Variants in WDR64 observed in about 807,000 individuals in gnomAD.
The protein encoded by WDR64 is WD repeat-containing protein 64.
WDR64 carries 112 observed loss-of-function variants against 139.3 expected under a neutral mutation model. The observed-to-expected ratio is 0.80, with a 90% CI of 0.69 to 0.94. The LOEUF (loss-of-function observed/expected upper bound fraction) is 0.94, where lower values mean the gene tolerates loss of function less well. WDR64 is among the 40% of genes least tolerant of loss of function. WDR64 has a pLI of 0.00. For synonymous variants in WDR64, 444 were observed against 437.7 expected, an observed-to-expected ratio of 1.01 and a Z score of -0.18; for missense variants, 1,206 against 1,293.1, an observed-to-expected ratio of 0.93 and a Z score of 1.03.
In WDR64 at chr1:241,656,882, G is replaced by GTATGTA. The variant is rs150831442; in HGVS notation, c.146-3647_146-3646insATGTAT. Among the ~76,000 whole-genome samples the GTATGTA allele has an allele frequency of 1.3e-5, 2 of 148,490 alleles. No individual in the cohort carries two copies. The highest frequency in any genetic ancestry group is 3.0e-5 in the Non-Finnish European group (2 of 67,226). On this transcript the variant is annotated intron_variant, in intron 1 of 27. Transcript: ENST00000437684. This position sits in a 1 kb window ranked among gnomAD's most constrained non-coding sequence, Gnocchi z 4.3. ...TCTTTGCCAAATGTTGTGTGTGTGT[G>GTATGTA]TGTGTGTGTGTGTGTGTGTGTGTGT... is the stretch of plus-strand genomic sequence containing the variant.
intron 2 of WDR64, among the ~76,000 whole-genome samples, chr1:241,668,020 T>C (rs1666084412): frequency 6.6e-6 from 1 of 152,080 alleles, no homozygotes; most frequent in Non-Finnish European, 1.5e-5. Context: ...TGTAAGGAGG[T>C]GCAGCACTTG....
chr1:241,658,517 T>G (rs907774177), intron 1 of WDR64, among the ~76,000 whole-genome samples: 2 of 151,618 alleles, frequency 1.3e-5, no homozygotes, highest in African/African-American at 4.9e-5. Flanking sequence ...TGGGTGCCTG[T>G]AGTCCCAGCT....
Position 241,711,892 on chromosome 1 carries a change from G to A in WDR64, c.1054+11G>A, listed in dbSNP as rs759685838. 19 of 1,613,650 alleles carry A rather than the reference G, an allele frequency of 1.2e-5. No homozygotes were observed. Among genetic ancestry groups the A allele is most frequent in the African/African-American group, 6.7e-5 (5 of 74,902 alleles). On this transcript the variant is annotated intron_variant, in intron 9 of 27. Coordinates refer to ENST00000437684, the MANE Select transcript of WDR64 (RefSeq NM_001367482.1). ...TGATTGTCACTGGAGGTGAGAGGGC[G>A]GTTCACATTACATAGGGGTTTTCTA...
intron 1 of WDR64, among the ~76,000 whole-genome samples, chr1:241,659,164 G>A (rs571097051): frequency 3.6e-4 from 55 of 152,172 alleles, no homozygotes; most frequent in African/African-American, 1.2e-3. Context: ...GTGGTATTTG[G>A]TTTTCTGTTC....
chr1:241,738,705 T>C (rs1017970601), intron 11 of WDR64, among the ~76,000 whole-genome samples: 6 of 152,180 alleles, frequency 3.9e-5, no homozygotes, highest in Admixed American at 2.6e-4. Flanking sequence ...TTTCTGAAAA[T>C]ACCAGGTTGG....
intron 13 of WDR64, among the ~76,000 whole-genome samples, chr1:241,745,949 AAGG>A (rs1013740684): frequency 1.3e-5 from 2 of 152,206 alleles, no homozygotes; most frequent in African/African-American, 4.8e-5. Context: ...AAATCTGGAC[AAGG>A]AGATTGTCCT....
Position 241,770,639 on chromosome 1 carries a change from CAT to C in WDR64, c.2205_2206del (p.Ile735MetfsTer7). The part of the protein sequence containing the change: ...ECARRSSQDS[I>X]CSSSQCESSK... ...CTTATAGGAGATCAAGTCAGGATTCCATATGTTCTTCATCCCAGTGTGAATCC... is the reference window on the plus strand; with the variant it reads ...CTTATAGGAGATCAAGTCAGGATTCCATGTTCTTCATCCCAGTGTGAATCC... On this transcript the variant is annotated frameshift_variant, in exon 18 of 28. Coordinates refer to ENST00000437684, the MANE Select transcript of WDR64 (RefSeq NM_001367482.1). LOFTEE classifies it high-confidence loss of function. 1 of 1,551,366 alleles carries C rather than the reference CAT, an allele frequency of 6.4e-7. No individual in the cohort carries two copies. The highest frequency in any genetic ancestry group is 8.7e-7 in the Non-Finnish European group (1 of 1,146,804).
At chr1:241,700,014 A>G (rs1338473863) in intron 8 of WDR64, among the ~76,000 whole-genome samples, 1 of 151,594 alleles carries the variant, frequency 6.6e-6, no homozygotes, top group Non-Finnish European at 1.5e-5. Context: ...CCAATTGATG[A>G]AGATATGACA....
intron 27 of WDR64, among the ~76,000 whole-genome samples, chr1:241,799,210 A>AAAAAAAAAAAAAAC (rs1659451372): frequency 7.6e-6 from 1 of 131,854 alleles, no homozygotes; most frequent in Non-Finnish European, 1.7e-5. Flanking sequence ...TCCAAAAAAA[A>AAAAAAAAAAAAAAC]AAAAAAAAAA....
At chr1:241,747,727 C>G (rs924415333) in intron 13 of WDR64, among the ~76,000 whole-genome samples, 1 of 151,950 alleles carries the variant, frequency 6.6e-6, no homozygotes, top group African/African-American at 2.4e-5. Flanking sequence ...TGAACCTATG[C>G]GAGAATCGAT....
At chr1:241,769,232 G>A (rs1244414000) in intron 16 of WDR64, among the ~76,000 whole-genome samples, 172 bp from the exon 17 acceptor site, 1 of 152,186 alleles carries the variant, frequency 6.6e-6, no homozygotes, top group Non-Finnish European at 1.5e-5. Context: ...TGATTTAACA[G>A]AACCTTGCTA....
intron 2 of WDR64, among the ~76,000 whole-genome samples, chr1:241,665,958 CCAGGATAGGTTA>C (rs1666010336): frequency 6.6e-6 from 1 of 152,018 alleles, no homozygotes; most frequent in South Asian, 2.1e-4. Flanking sequence ...AAAGAATGTT[CCAGGATAGGTTA>C]AAAAATAAGC....
chr1:241,665,444 A>G (rs1442857535), intron 2 of WDR64, among the ~76,000 whole-genome samples: 1 of 152,226 alleles, frequency 6.6e-6, no homozygotes. Flanking sequence ...TCAGGTAATA[A>G]AAACACGATT....
At chr1:241,653,905 G>A (rs920695749) in intron 1 of WDR64, among the ~76,000 whole-genome samples, 9 of 152,066 alleles carry the variant, frequency 5.9e-5, no homozygotes, top group African/African-American at 1.2e-4. Context: ...ATGCTTTTTC[G>A]GTGATTGGGA....
At position 241,753,389 on chromosome 1, in the gene WDR64, C is replaced by T. The variant is rs575142335; in HGVS notation, c.1770+3667C>T. Among the ~76,000 whole-genome samples, 6 of 152,272 alleles carry T rather than the reference C, an allele frequency of 3.9e-5. No homozygotes were observed. In the South Asian group the frequency reaches 1.0e-3, roughly 26 times the overall value. The stretch of plus-strand genomic sequence containing the variant: ...CAAAAATTAAAAATTAATGGCCTCT[C>T]ATCAATAATAACCAGTTAGAAAATA... On this transcript the variant is annotated intron_variant, in intron 14 of 27. Coordinates refer to ENST00000437684, the MANE Select transcript of WDR64 (RefSeq NM_001367482.1).
intron 8 of WDR64, among the ~76,000 whole-genome samples, chr1:241,690,624 G>C (rs911892758): frequency 7.9e-5 from 12 of 152,142 alleles, no homozygotes; most frequent in African/African-American, 2.9e-4. Context: ...TACCAGCCTA[G>C]AATTCTGTAT....
Position 241,801,670 on chromosome 1 carries a change from T to C in WDR64, c.*455T>C, listed in dbSNP as rs1052258403. ...ATGTACCAGTCAGATCTCTAGATGT[T>C]TGTCTTCTTCATTTAGAGAAATATT... is the stretch of plus-strand genomic sequence containing the variant. On this transcript the variant is annotated 3_prime_UTR_variant, in exon 28 of 28. Coordinates refer to ENST00000437684, the MANE Select transcript of WDR64 (RefSeq NM_001367482.1). The C allele has an allele frequency of 2.3e-5, 9 of 398,568 alleles. No homozygotes were observed. The highest frequency in any genetic ancestry group is 3.5e-5 in the Non-Finnish European group (8 of 226,156). The allele number at this position is 398,568 out of a possible 1,614,324, so 24.7% of individuals were successfully genotyped here.
At position 241,741,672 on chromosome 1, in the gene WDR64, C is replaced by T. The variant is rs1201729070; in HGVS notation, c.1470+8C>T. ...TCTGAATCCATAATTAGGGTAAGTA[C>T]CTATTGGCTTTTCAAACAGAAAAAA... On this transcript the variant is annotated splice_region_variant and intron_variant, in intron 12 of 27. Coordinates refer to ENST00000437684, the MANE Select transcript of WDR64 (RefSeq NM_001367482.1). 6.4e-7 allele frequency: 1 copy of T among 1,573,710 alleles called. No homozygotes were observed. The highest frequency in any genetic ancestry group is 2.0e-5 in the Admixed American group (1 of 49,866).
chr1:241,731,083 C>T (rs1156793818), intron 10 of WDR64, among the ~76,000 whole-genome samples: 2 of 151,934 alleles, frequency 1.3e-5, no homozygotes, highest in Non-Finnish European at 1.5e-5. Context: ...GTGTACTTTA[C>T]AAAAATATAT....
Sources: gnomAD v4.1 joint callset for allele counts (sites outside exome capture counted in the v4.1 genomes callset) on GRCh38, gnomAD v4.1.1 for gene constraint, Gnocchi (gnomAD v3.1) non-coding constraint, MANE v1.5 for transcripts, NCBI Gene and HGNC (gene_info 2026-07-23, HGNC 2026-07-21) for gene names.